Variants in NSRP1 observed in about 807,000 individuals in gnomAD.
The protein encoded by NSRP1 is coiled-coil domain containing 55.
Under a neutral mutation model 54.7 loss-of-function variants are expected in NSRP1, and 24 were observed. The ratio of observed to expected loss-of-function variants is 0.44; its 90% confidence interval spans 0.32 to 0.62. The LOEUF (loss-of-function observed/expected upper bound fraction) is 0.62, where lower values mean the gene tolerates loss of function less well. Among genes scored for constraint, NSRP1 ranks in the 20% least tolerant of loss-of-function variants. NSRP1 has a pLI of 0.06. For synonymous variants in NSRP1, 210 were observed against 213.8 expected (o/e 0.98, Z 0.15); for missense variants, 596 against 651.2 (o/e 0.92, Z 0.92).
intron 2 of NSRP1, among the ~76,000 whole-genome samples, chr17:30,147,460 G>GTTTGT (rs1395210573): frequency 4.0e-5 from 6 of 149,938 alleles, no homozygotes; most frequent in East Asian, 2.0e-4. Flanking sequence ...GGTTGGTTTT[G>GTTTGT]TTTGTTTTGT....
At chr17:30,158,984 C>G (rs1904415965) in intron 2 of NSRP1, among the ~76,000 whole-genome samples, 1 of 152,066 alleles carries the variant, frequency 6.6e-6, no homozygotes, top group African/African-American at 2.4e-5. Flanking sequence ...ATTGTTTGTT[C>G]TAGTTCTGTG....
intron 2 of NSRP1, among the ~76,000 whole-genome samples, chr17:30,132,374 G>A (rs989275766): frequency 6.6e-6 from 1 of 151,936 alleles, no homozygotes; most frequent in African/African-American, 2.4e-5. Flanking sequence ...CCAACATGGT[G>A]AAACCCCGTC....
chr17:30,117,979 C>A, intron 1 of NSRP1, 101 bp from the exon 2 acceptor site: 1 of 906,862 alleles, frequency 1.1e-6, no homozygotes, highest in Non-Finnish European at 1.8e-6. Flanking sequence ...AAGCTTATGA[C>A]ATGTTTTGAT....
At chr17:30,139,382 T>G (rs999108976) in intron 2 of NSRP1, among the ~76,000 whole-genome samples, 3 of 152,220 alleles carry the variant, frequency 2.0e-5, no homozygotes, top group African/African-American at 2.4e-5. Context: ...TTAATTATGC[T>G]GATCCAGTTT....
chr17:30,117,198 C>T (rs891829442), intron 1 of NSRP1: 1 of 669,590 alleles, frequency 1.5e-6, no homozygotes, highest in Non-Finnish European at 2.8e-6. Flanking sequence ...CTTGGATGCT[C>T]TCAGGGGCAG....
In NSRP1 at chr17:30,185,487, G is replaced by T. The variant is rs748803640; in HGVS notation, c.1490G>T (p.Gly497Val). Residue 497 changes from glycine (G) to valine (V), a missense_variant, in exon 7 of 7, where the codon GGA becomes GTA. By Grantham distance (109) the Gly-to-Val change is moderately radical. Coordinates refer to ENST00000247026, the MANE Select transcript of NSRP1 (RefSeq NM_032141.4). ...EKPSNSESSL[G>V]AKHRLTEEGQ... ...CCCTCTAATTCTGAATCATCACTGGGAGCAAAACACAGACTCACAGAGGAA... is the reference window on the plus strand; with the variant it reads ...CCCTCTAATTCTGAATCATCACTGGTAGCAAAACACAGACTCACAGAGGAA... 1.9e-5 allele frequency: 30 copies of T among 1,613,366 alleles called. No individual in the cohort carries two copies. The highest frequency in any genetic ancestry group is 2.5e-5 in the Non-Finnish European group (29 of 1,179,864).
At chr17:30,142,830 T>C (rs1371264029) in intron 2 of NSRP1, among the ~76,000 whole-genome samples, 4 of 152,180 alleles carry the variant, frequency 2.6e-5, no homozygotes, top group African/African-American at 9.7e-5. Flanking sequence ...TTTAATAGAA[T>C]CATGATTGCA....
intron 2 of NSRP1, among the ~76,000 whole-genome samples, chr17:30,125,245 C>T (rs1051408640): frequency 1.3e-5 from 2 of 152,110 alleles, no homozygotes; most frequent in African/African-American, 4.8e-5. Flanking sequence ...ATATTAAAAT[C>T]TCTTTCATAA....
chr17:30,171,972 A>ACACTCACTCT (rs1169988659), intron 2 of NSRP1, among the ~76,000 whole-genome samples: 1 of 46,584 alleles, frequency 2.1e-5, no homozygotes, highest in Non-Finnish European at 5.3e-5. Context: ...ACACACACAC[A>ACACTCACTCT]CTCCCTCTCT....
chr17:30,163,000 C>T (rs1266588172), intron 2 of NSRP1: 1 of 152,114 alleles, frequency 6.6e-6, no homozygotes, highest in Non-Finnish European at 1.5e-5. Flanking sequence ...CTGCCTCAGC[C>T]TCCTGAGTAG....
At chr17:30,168,797 TG>T (rs1804339257) in intron 2 of NSRP1, 1 of 151,950 alleles carries the variant, frequency 6.6e-6, no homozygotes, top group African/African-American at 2.4e-5. Context: ...TTAAGCTTTT[TG>T]TATTTGTTTA....
intron 3 of NSRP1, among the ~76,000 whole-genome samples, chr17:30,176,776 A>C (rs1905142529): frequency 6.6e-6 from 1 of 152,048 alleles, no homozygotes; most frequent in Admixed American, 6.5e-5. Flanking sequence ...AGAATCTTTC[A>C]CTTTCTAAAG....
chr17:30,170,814 G>A (rs1904904474), intron 2 of NSRP1, among the ~76,000 whole-genome samples: 1 of 152,172 alleles, frequency 6.6e-6, no homozygotes, highest in South Asian at 2.1e-4. Context: ...TTGCTAGGCT[G>A]TATGGTAGTT....
At chr17:30,132,023 C>T (rs994395885) in intron 2 of NSRP1, among the ~76,000 whole-genome samples, 3 of 151,886 alleles carry the variant, frequency 2.0e-5, no homozygotes, top group East Asian at 1.9e-4. Flanking sequence ...CCGAGGCGGG[C>T]GGATCACAAG....
At chr17:30,117,756 CAT>C (rs58691411) in intron 1 of NSRP1, among the ~76,000 whole-genome samples, 9,763 of 146,796 alleles carry the variant, frequency 0.067, 997 homozygotes, top group African/African-American at 0.24. Flanking sequence ...TTCCACTACA[CAT>C]GTTTTTTTTT....
intron 3 of NSRP1, among the ~76,000 whole-genome samples, chr17:30,177,543 A>G (rs1905166761): frequency 6.6e-6 from 1 of 152,152 alleles, no homozygotes; most frequent in South Asian, 2.1e-4. Context: ...AGAAAAAAAC[A>G]TCATTTGAGA....
At chr17:30,151,351 A>G (rs1229621944) in intron 2 of NSRP1, among the ~76,000 whole-genome samples, 1 of 152,176 alleles carries the variant, frequency 6.6e-6, no homozygotes, top group East Asian at 1.9e-4. Context: ...GACTACCCCA[A>G]AACTTAACCA....
chr17:30,134,892 T>G (rs2071734915), intron 2 of NSRP1, among the ~76,000 whole-genome samples: 1 of 152,154 alleles, frequency 6.6e-6, no homozygotes, highest in African/African-American at 2.4e-5. Flanking sequence ...CAAATGTGCT[T>G]TTTATCATGT....
chr17:30,169,667 A>G (rs1314531113), intron 2 of NSRP1, among the ~76,000 whole-genome samples: 1 of 152,070 alleles, frequency 6.6e-6, no homozygotes, highest in Non-Finnish European at 1.5e-5. Flanking sequence ...AAATGTTAGC[A>G]GCTATTACTG....
Sources: allele counts gnomAD v4.1 joint callset (sites outside exome capture counted in the v4.1 genomes callset), GRCh38; gene constraint gnomAD v4.1.1; transcripts MANE v1.5; gene names NCBI Gene and HGNC (gene_info 2026-07-23, HGNC 2026-07-21).